The following SLCO4C1 variants were observed in gnomAD, a reference collection of about 807,000 sequenced individuals.
SLCO4C1 encodes the protein solute carrier organic anion transporter family member 4C1.
SLCO4C1 carries 58 observed loss-of-function variants against 72.1 expected under a neutral mutation model. The ratio of observed to expected loss-of-function variants is 0.80; its 90% CI spans 0.65 to 1.00. SLCO4C1 has a LOEUF of 1.00. Ranked by LOEUF, SLCO4C1 falls within the 50% of genes least tolerant of loss-of-function variation. SLCO4C1 has a pLI of 0.00. For synonymous variants in SLCO4C1, 297 were observed against 312.5 expected, an observed-to-expected ratio of 0.95 and a Z score of 0.52; for missense variants, 898 against 857.9, an observed-to-expected ratio of 1.05 and a Z score of -0.58.
chr5:102,239,421 A>T, intron 11 of SLCO4C1, 33 bp from the exon 12 acceptor site: 1 of 1,459,730 alleles, frequency 6.9e-7, no homozygotes, highest in Non-Finnish European at 9.1e-7. Flanking sequence ...ATACAACAGT[A>T]AAGATTACAG....
At chr5:102,257,888 A>C in intron 7 of SLCO4C1, 55 bp downstream of exon 7, 1 of 1,491,798 alleles carries the variant, frequency 6.7e-7, no homozygotes, top group Non-Finnish European at 9.1e-7. Context: ...TATCCTCATA[A>C]AAATTTAATA....
chr5:102,268,669 C>T (rs1561375337), intron 3 of SLCO4C1, among the ~76,000 whole-genome samples: 1 of 152,042 alleles, frequency 6.6e-6, no homozygotes, highest in Non-Finnish European at 1.5e-5. Flanking sequence ...CTCTCTCGTT[C>T]ATCTTAGTAG....
At chr5:102,257,883 T>G in intron 7 of SLCO4C1, 60 bp downstream of exon 7, 3 of 1,445,854 alleles carry the variant, frequency 2.1e-6, no homozygotes, top group Non-Finnish European at 2.8e-6. Flanking sequence ...TACACTATCC[T>G]CATAAAAATT....
intron 2 of SLCO4C1, among the ~76,000 whole-genome samples, chr5:102,287,946 C>T (rs1749487047): frequency 6.6e-6 from 1 of 151,982 alleles, no homozygotes; most frequent in African/African-American, 2.4e-5. Flanking sequence ...TTGTGTCTGT[C>T]ATATTATAAA....
At chr5:102,260,544 T>C (rs1041836552) in intron 5 of SLCO4C1, among the ~76,000 whole-genome samples, 1 of 151,754 alleles carries the variant, frequency 6.6e-6, no homozygotes, top group Non-Finnish European at 1.5e-5. Context: ...AATATCCATG[T>C]CTGTAATCAG....
chr5:102,285,212 TACAC>T (rs3070619), intron 2 of SLCO4C1, among the ~76,000 whole-genome samples: 28 of 147,958 alleles, frequency 1.9e-4, no homozygotes, highest in South Asian at 1.1e-3. Context: ...TATATATACA[TACAC>T]ACACACACAC....
At chr5:102,239,744 G>A (rs185603491) in intron 11 of SLCO4C1, among the ~76,000 whole-genome samples, 47 of 152,088 alleles carry the variant, frequency 3.1e-4, no homozygotes, top group Admixed American at 1.2e-3. Flanking sequence ...AATTATTCAT[G>A]ATGCACAAAT....
chr5:102,243,266 T>C (rs1410760410), intron 10 of SLCO4C1, among the ~76,000 whole-genome samples: 2 of 152,192 alleles, frequency 1.3e-5, no homozygotes, highest in Non-Finnish European at 2.9e-5. Flanking sequence ...CCAGTGCCTG[T>C]AGGACCTCCC....
chr5:102,242,011 A>G (rs1748550462), intron 10 of SLCO4C1, among the ~76,000 whole-genome samples: 1 of 152,196 alleles, frequency 6.6e-6, no homozygotes, highest in Non-Finnish European at 1.5e-5. Flanking sequence ...GTGGCAGTGT[A>G]ATACAGAGAG....
intron 8 of SLCO4C1, among the ~76,000 whole-genome samples, chr5:102,255,638 T>C (rs1748820408): frequency 6.6e-6 from 1 of 152,178 alleles, no homozygotes; most frequent in Non-Finnish European, 1.5e-5. Flanking sequence ...TCCCTCTCCC[T>C]TTCTCTCTTC....
chr5:102,294,237 G>A (rs1233403633), intron 1 of SLCO4C1, among the ~76,000 whole-genome samples: 1 of 152,040 alleles, frequency 6.6e-6, no homozygotes, highest in Non-Finnish European at 1.5e-5. Context: ...AGTAGAGACG[G>A]GTTTCACCAT....
intron 12 of SLCO4C1, 45 bp downstream of exon 12, chr5:102,239,206 T>TA (rs1748491834): frequency 2.0e-6 from 3 of 1,475,370 alleles, no homozygotes; most frequent in Non-Finnish European, 2.7e-6. Context: ...TTTTTTTTTT[T>TA]ACATCCTTAG....
chr5:102,282,782 G>A (rs1445922697), intron 2 of SLCO4C1, among the ~76,000 whole-genome samples: 3 of 151,968 alleles, frequency 2.0e-5, no homozygotes, highest in Non-Finnish European at 4.4e-5. Context: ...ACTGTGTAGT[G>A]TAGTTTATGT....
At chr5:102,247,596 A>C (rs1748658847) in intron 9 of SLCO4C1, among the ~76,000 whole-genome samples, 154 bp from the exon 10 acceptor site, 1 of 152,196 alleles carries the variant, frequency 6.6e-6, no homozygotes, top group African/African-American at 2.4e-5. Flanking sequence ...TTAAGAAATT[A>C]AGCAAGTGGA....
intron 3 of SLCO4C1, 53 bp from the exon 4 acceptor site, chr5:102,263,833 C>T: frequency 1.5e-6 from 2 of 1,327,020 alleles, no homozygotes; most frequent in Admixed American, 1.9e-5. Context: ...CTTCACTTTG[C>T]ATATCTAACA....
chr5:102,264,089 C>T (rs1554058111), intron 3 of SLCO4C1, among the ~76,000 whole-genome samples: 2 of 152,036 alleles, frequency 1.3e-5, no homozygotes, highest in Non-Finnish European at 2.9e-5. Context: ...TGATAGTGAT[C>T]ATAGTTACAC....
At chr5:102,269,254 A>G (rs1749104289) in intron 3 of SLCO4C1, among the ~76,000 whole-genome samples, 1 of 151,852 alleles carries the variant, frequency 6.6e-6, no homozygotes, top group African/African-American at 2.4e-5. Context: ...CATTATATGG[A>G]TTTTCTATAC....
At chr5:102,276,218 C>T (rs1010368851) in intron 2 of SLCO4C1, among the ~76,000 whole-genome samples, 2 of 152,178 alleles carry the variant, frequency 1.3e-5, no homozygotes, top group Non-Finnish European at 2.9e-5. Context: ...ATATCCAACA[C>T]AGCTCCCCCT....
At chr5:102,268,984 C>A (rs1749098059) in intron 3 of SLCO4C1, among the ~76,000 whole-genome samples, 2 of 151,764 alleles carry the variant, frequency 1.3e-5, no homozygotes, top group Non-Finnish European at 2.9e-5. Context: ...TTTGAGCATT[C>A]TTAAATATAT....
Sources: gnomAD v4.1 joint callset for allele counts (sites outside exome capture counted in the v4.1 genomes callset) on GRCh38, gnomAD v4.1.1 for gene constraint, MANE v1.5 for transcripts, NCBI Gene and HGNC (gene_info 2026-07-23, HGNC 2026-07-21) for gene names.